The following AEN variants were observed in gnomAD, a reference collection of about 807,000 sequenced individuals.
AEN encodes apoptosis enhancing nuclease.
In AEN, 21 loss-of-function variants were observed where a neutral mutation model predicts 17.7. The ratio of observed to expected loss-of-function variants is 1.19; its 90% confidence interval spans 0.84 to 1.71. AEN has a LOEUF of 1.71. Among genes scored for constraint, AEN ranks in the 40% most tolerant of loss-of-function variants. The pLI is 0.00. For missense variants in AEN, 462 were observed against 435.9 expected, an observed-to-expected ratio of 1.06 and a Z score of -0.53; for synonymous variants, 190 against 173.0, an observed-to-expected ratio of 1.10 and a Z score of -0.77.
At position 88,626,132 on chromosome 15, in the gene AEN, T is replaced by G; in HGVS notation, c.-64-14T>G. On this transcript the variant is annotated splice_polypyrimidine_tract_variant and intron_variant, in intron 1 of 3. Coordinates refer to ENST00000332810, the MANE Select transcript of AEN (RefSeq NM_022767.4). ...CTCTCACCCAGCCCCTCTGCCTGTGTGTTCTCTCTTCAGGCTGCTGCCCCA... is the reference window on the plus strand; with the variant it reads ...CTCTCACCCAGCCCCTCTGCCTGTGGGTTCTCTCTTCAGGCTGCTGCCCCA... 1 of 1,460,336 alleles carries G rather than the reference T, an allele frequency of 6.8e-7. No individual in the cohort carries two copies. Among genetic ancestry groups the G allele is most frequent in the Non-Finnish European group, 9.1e-7 (1 of 1,103,382 alleles). The allele number at this position is 1,460,336 out of a possible 1,614,324, so 90.5% of individuals were successfully genotyped here.
chr15:88,629,125 C>T (rs1486310833), intron 2 of AEN, 101 bp from the exon 3 acceptor site: 4 of 1,190,962 alleles, frequency 3.4e-6, no homozygotes, highest in Admixed American at 1.8e-5. Flanking sequence ...CCTCCCCCCA[C>T]AGGGATCCAT....
chr15:88,606,810 T>C, the AEN span, among the ~76,000 whole-genome samples: 2 of 152,228 alleles, frequency 1.3e-5, no homozygotes, highest in Non-Finnish European at 2.9e-5. Flanking sequence ...CAGAGCAACT[T>C]ACCTTTCCAC....
chr15:88,605,685 A>G, the AEN span, among the ~76,000 whole-genome samples: 1 of 152,302 alleles, frequency 6.6e-6, no homozygotes, highest in African/African-American at 2.4e-5. This position sits in a 1 kb window ranked among gnomAD's most constrained non-coding sequence, Gnocchi z 7.6. Flanking sequence ...GTTACTTCCC[A>G]GTGTAGCCTT....
Position 88,626,740 on chromosome 15 carries a change from C to T in AEN, c.531C>T (p.Ala177=), listed in dbSNP as rs1316806124. Residue 177 remains alanine, a synonymous_variant, in exon 2 of 4, where the codon GCC becomes GCT. Coordinates refer to ENST00000332810, the MANE Select transcript of AEN (RefSeq NM_022767.4). ...GCAAGGCTGTCCCCTTCCAGGTGGC[C>T]CAGAAAGAGGTAAGGGCAGGGATGG... ...HMRKAVPFQV[A]QKEILKLLKG... is the part of the protein sequence containing the mutation. The T allele has an allele frequency of 1.2e-5, 19 of 1,608,242 alleles. No homozygotes were observed. Among genetic ancestry groups the T allele is most frequent in the Non-Finnish European group, 1.6e-5 (19 of 1,179,756 alleles).
chr15:88,616,186 C>T, the AEN span, among the ~76,000 whole-genome samples: 5 of 152,240 alleles, frequency 3.3e-5, no homozygotes, highest in East Asian at 5.8e-4. Context: ...CTCTGCCTCC[C>T]GGGTTCAAAT....
At chr15:88,613,594 G>T in the AEN span, among the ~76,000 whole-genome samples, 2 of 151,184 alleles carry the variant, frequency 1.3e-5, no homozygotes, top group Admixed American at 6.6e-5. Context: ...CTCGGGGGGG[G>T]ATGTGGGGTG....
intron 1 of AEN, chr15:88,621,711 C>CG (rs1320353288): frequency 2.0e-5 from 3 of 152,200 alleles, no homozygotes; most frequent in African/African-American, 7.2e-5. Flanking sequence ...CGCCAGCCGG[C>CG]GGGGAGGTCG....
chr15:88,606,521 G>A, the AEN span, among the ~76,000 whole-genome samples: 2,846 of 140,116 alleles, frequency 0.02, 82 homozygotes, highest in African/African-American at 0.073. Flanking sequence ...AAGGGCTAAC[G>A]GAGGTGGAGA....
At chr15:88,611,486 G>T in the AEN span, among the ~76,000 whole-genome samples, 2 of 150,910 alleles carry the variant, frequency 1.3e-5, no homozygotes, top group Non-Finnish European at 2.9e-5. Flanking sequence ...TACTAGGGAG[G>T]CTGAGGTGGA....
chr15:88,606,792 G>A, the AEN span, among the ~76,000 whole-genome samples: 2 of 152,156 alleles, frequency 1.3e-5, no homozygotes, highest in Non-Finnish European at 2.9e-5. Context: ...TTAAGTAAAG[G>A]CGCATAGCAG....
In AEN at chr15:88,626,219, C is replaced by T. The variant is rs201692023; in HGVS notation, c.10C>T (p.Arg4Trp). 68 of 1,585,878 alleles carry T rather than the reference C, an allele frequency of 4.3e-5. No individual in the cohort carries two copies. Among genetic ancestry groups the T allele is most frequent in the East Asian group, 1.1e-4 (5 of 44,490 alleles). MVP[R>W]EAPESAQCLC... ...CAGTGAGCTGACTGGAATGGTACCC[C>T]GGGAGGCCCCTGAGTCTGCTCAGTG... The change falls in exon 2 of 4, where the codon CGG becomes TGG. Residue 4 changes from arginine to tryptophan, a missense_variant. Physicochemically the swap from Arg to Trp is moderately radical, Grantham distance 101. Transcript: ENST00000332810.
In AEN at chr15:88,631,329, C is replaced by T. The variant is rs985926279; in HGVS notation, c.*1035C>T. 3 of 300,586 alleles carry T rather than the reference C, an allele frequency of 1.0e-5. No homozygotes were observed. Among genetic ancestry groups the T allele is most frequent in the Non-Finnish European group, 2.1e-5 (3 of 141,864 alleles). The allele number at this position is 300,586 out of a possible 1,614,324, so 18.6% of individuals were successfully genotyped here. A position where few individuals can be genotyped will look rare whatever the true frequency, so the allele number is the denominator to read the frequency against. On this transcript the variant is annotated 3_prime_UTR_variant, in exon 4 of 4. Coordinates refer to ENST00000332810, the MANE Select transcript of AEN (RefSeq NM_022767.4). The stretch of plus-strand genomic sequence containing the variant: ...GCCCCCGAACCTGGTCTGATGCCCC[C>T]TCAGCTCTTTGACAATCACTGTGGC...
At chr15:88,612,970 G>T in the AEN span, among the ~76,000 whole-genome samples, 1 of 152,178 alleles carries the variant, frequency 6.6e-6, no homozygotes, top group Non-Finnish European at 1.5e-5. Flanking sequence ...CCAAGTTACA[G>T]TGATGACACT....
At chr15:88,617,702 T>A (rs2057749563), upstream of AEN, among the ~76,000 whole-genome samples, 1 of 151,852 alleles carries the variant, frequency 6.6e-6, no homozygotes, top group Admixed American at 6.6e-5. Context: ...CTCACTGCAA[T>A]GACTGAGATA....
chr15:88,626,859 C>G lies in AEN; in HGVS notation c.540+110C>G. On this transcript the variant is annotated intron_variant, in intron 2 of 3. Coordinates refer to ENST00000332810, the MANE Select transcript of AEN (RefSeq NM_022767.4). ...TGGGGGCAAGAAACCTTGGGAAAGTCACCTAACTGCTCCAAACAGTAGGTT... is the reference window on the plus strand; with the variant it reads ...TGGGGGCAAGAAACCTTGGGAAAGTGACCTAACTGCTCCAAACAGTAGGTT... 1 of 1,211,108 alleles carries G rather than the reference C, an allele frequency of 8.3e-7. No homozygotes were observed. The allele number at this position is 1,211,108 out of a possible 1,614,324, so 75.0% of individuals were successfully genotyped here.
Position 88,630,992 on chromosome 15 carries a change from AT to A in AEN, c.*701del, listed in dbSNP as rs1398946177. ...TCTCGTGGGGAGTTGGCTCCTTAAC[AT>A]TTCTTGGCAACAGAAAGCCCCAGGC... On this transcript the variant is annotated 3_prime_UTR_variant, in exon 4 of 4. Coordinates refer to ENST00000332810, the MANE Select transcript of AEN (RefSeq NM_022767.4). The surrounding 1 kb of genome is among the most constrained non-coding windows in gnomAD (Gnocchi z 5.1). The A allele has an allele frequency of 2.5e-5, 10 of 393,896 alleles. 1 individual carries two copies. Among genetic ancestry groups the A allele is most frequent in the East Asian group, 1.5e-4 (2 of 13,494 alleles). The allele number at this position is 393,896 out of a possible 1,614,324, so 24.4% of individuals were successfully genotyped here. A position where few individuals can be genotyped will look rare whatever the true frequency, so the allele number is the denominator to read the frequency against.
At chr15:88,620,768 C>A (rs1596025096), upstream of AEN, among the ~76,000 whole-genome samples, 1 of 152,138 alleles carries the variant, frequency 6.6e-6, no homozygotes, top group African/African-American at 2.4e-5. Context: ...ATAAACAACT[C>A]AGGATGCTTA....
At chr15:88,607,751 T>C in the AEN span, among the ~76,000 whole-genome samples, 1 of 152,176 alleles carries the variant, frequency 6.6e-6, no homozygotes, top group African/African-American at 2.4e-5. Context: ...ATTATTAATA[T>C]AAGAATTTTT....
upstream of AEN, among the ~76,000 whole-genome samples, chr15:88,618,427 TC>T (rs2057756341): frequency 6.6e-6 from 1 of 152,246 alleles, no homozygotes; most frequent in Non-Finnish European, 1.5e-5. Flanking sequence ...TAATTTTTTT[TC>T]CTTCTAGATT....
Sources: gnomAD v4.1 joint callset for allele counts (sites outside exome capture counted in the v4.1 genomes callset) on GRCh38, gnomAD v4.1.1 for gene constraint, Gnocchi (gnomAD v3.1) non-coding constraint, MANE v1.5 for transcripts, NCBI Gene and HGNC (gene_info 2026-07-23, HGNC 2026-07-21) for gene names.